WDPCP: variants seen among roughly 807,000 people sequenced by gnomAD.
The protein encoded by WDPCP is WD repeat-containing and planar cell polarity effector protein fritz homolog.
WDPCP carries 71 observed loss-of-function variants against 93.1 expected under a neutral mutation model. That is an observed-to-expected ratio of 0.76 (90% CI 0.63 to 0.93). The LOEUF (loss-of-function observed/expected upper bound fraction) is 0.93, where lower values mean the gene tolerates loss of function less well. Among genes scored for constraint, WDPCP ranks in the 40% least tolerant of loss-of-function variants. WDPCP has a pLI of 0.00. For missense variants in WDPCP, 844 were observed against 887.4 expected (o/e 0.95, Z 0.62); for synonymous variants, 315 against 315.0 (o/e 1.00, Z 0.00).
Position 63,708,294 on chromosome 2 carries a change from C to T in WDPCP, n.309-57456G>A, listed in dbSNP as rs894479244. ...CTCCACACAGTTTGAGCTTCCCGGCCGCTTTGTTTACCTACTCAATCCTGG... is the reference window on the plus strand; with the variant it reads ...CTCCACACAGTTTGAGCTTCCCGGCTGCTTTGTTTACCTACTCAATCCTGG... On this transcript the variant is annotated intron_variant and non_coding_transcript_variant, in intron 2 of 4. Transcript: ENST00000467687. Among the ~76,000 whole-genome samples the T allele has an allele frequency of 3.9e-5, 6 of 152,264 alleles. No individual in the cohort carries two copies. The South Asian group carries it at 6.2e-4, about 16-fold the overall frequency.
At chr2:63,374,336 G>C (rs1691661090) in intron 12 of WDPCP, among the ~76,000 whole-genome samples, 1 of 152,012 alleles carries the variant, frequency 6.6e-6, no homozygotes, top group Admixed American at 6.6e-5. Flanking sequence ...ATTTCAGCCT[G>C]TTTCCCTTAC....
rs139898308 is a variant in WDPCP, at chr2:63,559,786, A to T, written c.75+28411T>A. On this transcript the variant is annotated intron_variant, in intron 1 of 17. Coordinates refer to ENST00000272321, the MANE Select transcript of WDPCP (RefSeq NM_015910.7). ...CCACTGCTTAAGGAAATCAGAGAGG[A>T]CACAAACAAATGGAAAAACATTCCA... 2.8e-4 allele frequency among the ~76,000 whole-genome samples: 42 copies of T among 152,360 alleles called. No homozygotes were observed. In the East Asian group the frequency reaches 7.3e-3, roughly 27 times the overall value.
At chr2:63,486,252 T>C (rs1035462204) in intron 4 of WDPCP, among the ~76,000 whole-genome samples, 3 of 151,892 alleles carry the variant, frequency 2.0e-5, no homozygotes, top group Non-Finnish European at 4.4e-5. Flanking sequence ...TAAATGTTAC[T>C]ATCAGAATTT....
intron 8 of WDPCP, among the ~76,000 whole-genome samples, chr2:63,435,739 T>C (rs1420455349): frequency 1.3e-5 from 2 of 152,088 alleles, no homozygotes; most frequent in Non-Finnish European, 2.9e-5. Flanking sequence ...AATGGACAAA[T>C]AGCAGATTTG....
intron 14 of WDPCP, among the ~76,000 whole-genome samples, chr2:63,213,267 A>G (rs963522241): frequency 2.2e-4 from 33 of 152,310 alleles, no homozygotes; most frequent in African/African-American, 6.5e-4. Flanking sequence ...AATTATAACA[A>G]ACTGTCTCTC....
intron 6 of WDPCP, among the ~76,000 whole-genome samples, chr2:63,476,678 T>C (rs116833733): frequency 0.016 from 2,453 of 152,272 alleles, 76 homozygotes; most frequent in African/African-American, 0.056. Context: ...TTGAAATCAA[T>C]AAATACTGTG....
At chr2:63,714,685 C>T (rs1035260456) in intron 2 of WDPCP, among the ~76,000 whole-genome samples, 5 of 151,904 alleles carry the variant, frequency 3.3e-5, no homozygotes, top group South Asian at 4.2e-4. Flanking sequence ...AAAAATTAGC[C>T]GGGCATGGTG....
chr2:63,445,576 T>G (rs985215799), intron 6 of WDPCP, among the ~76,000 whole-genome samples: 2 of 152,102 alleles, frequency 1.3e-5, no homozygotes, highest in Non-Finnish European at 2.9e-5. Flanking sequence ...TCAAATTTGG[T>G]AGGACAAAAA....
chr2:63,452,696 T>G (rs1253870539), intron 6 of WDPCP, among the ~76,000 whole-genome samples: 1 of 152,144 alleles, frequency 6.6e-6, no homozygotes, highest in Admixed American at 6.5e-5. Context: ...CAAACTATAC[T>G]ACAAGGCTAC....
intron 17 of WDPCP, among the ~76,000 whole-genome samples, chr2:63,141,093 T>C (rs1019369249): frequency 3.9e-5 from 6 of 152,132 alleles, no homozygotes; most frequent in Non-Finnish European, 8.8e-5. Flanking sequence ...ACTTTTTTTT[T>C]TTTTGAGACA....
intron 7 of WDPCP, 68 bp downstream of exon 7, chr2:63,439,689 T>C: frequency 1.4e-6 from 2 of 1,382,782 alleles, no homozygotes; most frequent in Non-Finnish European, 2.1e-6. Flanking sequence ...TTAGTCTACC[T>C]GTTGACACAC....
chr2:63,327,576 A>G (rs1687653165), intron 12 of WDPCP, among the ~76,000 whole-genome samples: 1 of 152,150 alleles, frequency 6.6e-6, no homozygotes, highest in Non-Finnish European at 1.5e-5. Flanking sequence ...AGGACTTTGC[A>G]CATTCTTAGG....
At chr2:63,326,173 G>T (rs1168705060) in intron 12 of WDPCP, among the ~76,000 whole-genome samples, 1 of 152,184 alleles carries the variant, frequency 6.6e-6, no homozygotes, top group African/African-American at 2.4e-5. Context: ...CTCCTTGAGC[G>T]ACTGGTGCTT....
chr2:63,174,917 C>G, intron 14 of WDPCP, 85 bp from the exon 15 acceptor site: 1 of 1,447,696 alleles, frequency 6.9e-7, no homozygotes. Flanking sequence ...GAACAACATT[C>G]ACATATCCCA....
At chr2:63,758,213 G>A (rs145330929) in intron 2 of WDPCP, among the ~76,000 whole-genome samples, 23 of 151,974 alleles carry the variant, frequency 1.5e-4, no homozygotes, top group Non-Finnish European at 2.6e-4. Context: ...CCACTGAATT[G>A]GAAAGAGTTC....
At chr2:63,604,612 A>C in intron 3 of WDPCP, 1 of 1,054,760 alleles carries the variant, frequency 9.5e-7, no homozygotes, top group South Asian at 1.6e-5. Flanking sequence ...TTTTATCTTT[A>C]TTTAAGGGCA....
intron 14 of WDPCP, among the ~76,000 whole-genome samples, chr2:63,226,478 T>C (rs1678300075): frequency 6.6e-6 from 1 of 151,934 alleles, no homozygotes; most frequent in Non-Finnish European, 1.5e-5. Context: ...GTCATCTTTG[T>C]GATGTGTCAC....
intron 2 of WDPCP, among the ~76,000 whole-genome samples, chr2:63,724,551 A>T (rs1669471097): frequency 6.6e-6 from 1 of 152,192 alleles, no homozygotes; most frequent in Non-Finnish European, 1.5e-5. Context: ...ACCAATGCTT[A>T]TGGGAGCATC....
chr2:63,675,043 C>T (rs1025042684), intron 2 of WDPCP, among the ~76,000 whole-genome samples: 2 of 152,158 alleles, frequency 1.3e-5, no homozygotes, highest in Non-Finnish European at 2.9e-5. Context: ...CTGGTTCTCA[C>T]CTGCCCTGGT....
Sources: gnomAD v4.1 joint callset for allele counts (sites outside exome capture counted in the v4.1 genomes callset) on GRCh38, gnomAD v4.1.1 for gene constraint, MANE v1.5 for transcripts, NCBI Gene and HGNC (gene_info 2026-07-23, HGNC 2026-07-21) for gene names.